COL21A1: variants seen among roughly 807,000 people sequenced by gnomAD.
COL21A1 encodes the protein collagen alpha-1(XXI) chain.
A neutral mutation model predicts 137.9 loss-of-function variants in COL21A1; 149 were observed. The ratio of observed to expected loss-of-function variants is 1.08; its 90% CI spans 0.95 to 1.24. COL21A1 has a LOEUF of 1.24. Among genes scored for constraint, COL21A1 ranks in the 50% most tolerant of loss-of-function variants. The probability of loss-of-function intolerance (pLI) is 0.00; values close to 1 mark genes in which losing one functional copy is unlikely to be tolerated. For missense variants in COL21A1, 1,167 were observed against 1,158.4 expected (o/e 1.01, Z -0.11); for synonymous variants, 456 against 391.5 (o/e 1.16, Z -1.95).
intron 17 of COL21A1, among the ~76,000 whole-genome samples, chr6:56,098,876 C>T (rs79946287): frequency 1.3e-5 from 2 of 148,414 alleles, no homozygotes; most frequent in African/African-American, 5.0e-5. Context: ...CCACCACGCC[C>T]TGCTAATTTT....
At chr6:56,380,410 A>G (rs1025989704) in intron 1 of COL21A1, among the ~76,000 whole-genome samples, 1 of 152,170 alleles carries the variant, frequency 6.6e-6, no homozygotes, top group Admixed American at 6.5e-5. Flanking sequence ...ATTTTTTCTA[A>G]TGGGCAGGTG....
intron 12 of COL21A1, among the ~76,000 whole-genome samples, chr6:56,131,371 A>G (rs971908524): frequency 4.0e-5 from 6 of 151,364 alleles, no homozygotes; most frequent in African/African-American, 1.5e-4. Context: ...TGCGCTCACA[A>G]AATAATTGGC....
intron 1 of COL21A1, among the ~76,000 whole-genome samples, chr6:56,213,679 A>T (rs908673204): frequency 4.6e-5 from 7 of 152,118 alleles, no homozygotes; most frequent in African/African-American, 7.2e-5. Context: ...CGGAAAAAAA[A>T]ATAGTATATT....
At chr6:56,382,976 C>G (rs919589645) in intron 1 of COL21A1, among the ~76,000 whole-genome samples, 1 of 152,180 alleles carries the variant, frequency 6.6e-6, no homozygotes, top group African/African-American at 2.4e-5. Context: ...ACAGTACTCA[C>G]AGTCCTAACC....
chr6:56,088,380 G>T (rs1297703437), intron 17 of COL21A1, among the ~76,000 whole-genome samples: 1 of 151,982 alleles, frequency 6.6e-6, no homozygotes, highest in African/African-American at 2.4e-5. Flanking sequence ...AAATAATTTT[G>T]CTCTTTAAAA....
At chr6:56,171,447 A>G (rs114958838) in intron 3 of COL21A1, among the ~76,000 whole-genome samples, 69 of 152,090 alleles carry the variant, frequency 4.5e-4, no homozygotes, top group South Asian at 2.3e-3. Flanking sequence ...ATGAGACAAT[A>G]TAACACCTAT....
At chr6:56,218,672 G>A (rs1229561311) in intron 1 of COL21A1, among the ~76,000 whole-genome samples, 1 of 152,048 alleles carries the variant, frequency 6.6e-6, no homozygotes, top group South Asian at 2.1e-4. Context: ...TGGAAATGAT[G>A]TTAGACAAAA....
intron 1 of COL21A1, among the ~76,000 whole-genome samples, chr6:56,349,187 A>C (rs183154690): frequency 1.7e-4 from 26 of 152,340 alleles, no homozygotes; most frequent in African/African-American, 5.8e-4. Flanking sequence ...GCACTGATAA[A>C]ATAAATTTAG....
At chr6:56,163,858 T>A (rs1316498511) in intron 9 of COL21A1, among the ~76,000 whole-genome samples, 1 of 152,122 alleles carries the variant, frequency 6.6e-6, no homozygotes, top group East Asian at 1.9e-4. Flanking sequence ...CAAATCAATA[T>A]GTAAATGTAA....
chr6:56,227,004 A>G (rs991122619), intron 1 of COL21A1, among the ~76,000 whole-genome samples: 1 of 151,980 alleles, frequency 6.6e-6, no homozygotes, highest in African/African-American at 2.4e-5. Flanking sequence ...CAAACTTAAA[A>G]TGGTGCCATG....
At chr6:56,245,418 A>T (rs1782582575) in intron 1 of COL21A1, among the ~76,000 whole-genome samples, 1 of 152,196 alleles carries the variant, frequency 6.6e-6, no homozygotes, top group Admixed American at 6.5e-5. Flanking sequence ...TAATTTGAGG[A>T]TGTCCATATA....
rs370423110 is a variant in COL21A1 at position 56,275,606 on chromosome 6, T to C, written c.-38-92950A>G. 7.9e-5 allele frequency among the ~76,000 whole-genome samples: 12 copies of C among 152,082 alleles called. No individual in the cohort carries two copies. The East Asian group carries it at 1.9e-3, about 24-fold the overall frequency. ...AAATTGTATAAGCAGCCAAGAACCA[T>C]ATGAAAAAAAGATGCTCAACATCAC... is the stretch of plus-strand genomic sequence containing the variant. On this transcript the variant is annotated intron_variant, in intron 1 of 28. Transcript: ENST00000370819.
intron 1 of COL21A1, among the ~76,000 whole-genome samples, chr6:56,300,474 TA>T (rs897806752): frequency 6.6e-6 from 1 of 152,180 alleles, no homozygotes; most frequent in Non-Finnish European, 1.5e-5. Context: ...GAATGTCTTC[TA>T]AAAAACTGGG....
intron 1 of COL21A1, among the ~76,000 whole-genome samples, chr6:56,259,648 C>T (rs1325952410): frequency 1.3e-5 from 2 of 152,194 alleles, no homozygotes; most frequent in South Asian, 2.1e-4. Context: ...TCTCTGAATG[C>T]ATCTCATTGT....
At chr6:56,066,558 A>G (rs1182801835) in intron 23 of COL21A1, among the ~76,000 whole-genome samples, 1 of 151,886 alleles carries the variant, frequency 6.6e-6, no homozygotes, top group East Asian at 1.9e-4. Flanking sequence ...TTGGTAATTT[A>G]TGGTTGGAAA....
At chr6:56,286,190 A>C (rs559248479) in intron 1 of COL21A1, among the ~76,000 whole-genome samples, 1 of 152,360 alleles carries the variant, frequency 6.6e-6, no homozygotes, top group African/African-American at 2.4e-5. Flanking sequence ...AGTCTGTTAG[A>C]GAAGAGACCA....
At chr6:56,393,111 C>G (rs1372522528) in intron 1 of COL21A1, among the ~76,000 whole-genome samples, 1 of 149,840 alleles carries the variant, frequency 6.7e-6, no homozygotes, top group Non-Finnish European at 1.5e-5. Flanking sequence ...TACCACAGAG[C>G]TATAGTAACC....
intron 1 of COL21A1, among the ~76,000 whole-genome samples, chr6:56,271,494 C>G (rs965944121): frequency 2.6e-5 from 4 of 152,116 alleles, no homozygotes; most frequent in African/African-American, 9.7e-5. Context: ...GGAAGCAGAG[C>G]ATAAAGATTT....
At chr6:56,188,306 C>T (rs950356454) in intron 1 of COL21A1, among the ~76,000 whole-genome samples, 9 of 152,114 alleles carry the variant, frequency 5.9e-5, no homozygotes, top group Non-Finnish European at 1.2e-4. Context: ...AATTGTGTGT[C>T]CACAGCAAAA....
Sources: allele counts gnomAD v4.1 joint callset (sites outside exome capture counted in the v4.1 genomes callset), GRCh38; gene constraint gnomAD v4.1.1; transcripts MANE v1.5; gene names NCBI Gene and HGNC (gene_info 2026-07-23, HGNC 2026-07-21).